ZNF578: variants seen among roughly 807,000 people sequenced by gnomAD.
The protein encoded by ZNF578 is zinc finger protein 578.
A neutral mutation model predicts 8.3 loss-of-function variants in ZNF578; 8 were observed. The observed-to-expected ratio is 0.96, with a 90% CI of 0.56 to 1.74. ZNF578 has a LOEUF of 1.74. Ranked by LOEUF, ZNF578 falls within the 40% of genes most tolerant of loss-of-function variation. The pLI is 0.00. For synonymous variants in ZNF578, 206 were observed against 232.2 expected (o/e 0.89, Z 1.03); for missense variants, 726 against 707.5 (o/e 1.03, Z -0.30).
chr19:52,479,868 T>C (rs749003746), intron 2 of ZNF578, among the ~76,000 whole-genome samples: 9 of 152,336 alleles, frequency 5.9e-5, no homozygotes, highest in Non-Finnish European at 1.0e-4. Context: ...TAATGAAATA[T>C]AATAGACAGA....
chr19:52,506,621 A>G (rs1755208498), intron 5 of ZNF578, among the ~76,000 whole-genome samples: 1 of 152,114 alleles, frequency 6.6e-6, no homozygotes, highest in Non-Finnish European at 1.5e-5. Flanking sequence ...GTTCACCACC[A>G]TGCCCGGCTA....
chr19:52,498,497 A>T (rs924228087), intron 3 of ZNF578, among the ~76,000 whole-genome samples: 14 of 151,672 alleles, frequency 9.2e-5, no homozygotes, highest in Non-Finnish European at 2.1e-4. Flanking sequence ...ACACCCAGAG[A>T]ATTTTTTGCA....
chr19:52,500,302 G>C (rs371197058), intron 3 of ZNF578, among the ~76,000 whole-genome samples: 2 of 152,154 alleles, frequency 1.3e-5, no homozygotes, highest in Non-Finnish European at 2.9e-5. Context: ...GGTTTGGTCT[G>C]GGAAGGTGGG....
In ZNF578 at chr19:52,511,153, C is replaced by CA; in HGVS notation, c.774dup (p.Tyr259IlefsTer2). 1 of 1,614,154 alleles carries CA rather than the reference C, an allele frequency of 6.2e-7. No homozygotes were observed. The highest frequency in any genetic ancestry group is 2.2e-5 in the East Asian group (1 of 44,884). On this transcript the variant is annotated frameshift_variant, in exon 6 of 6. Transcript: ENST00000421239. LOFTEE classifies it low-confidence loss of function (END_TRUNC). The stretch of plus-strand genomic sequence containing the variant: ...TCAGATAATCCATTTAGGAGAAAAA[C>CA]AATATAAATTTGATATATGTGGCAA...
intron 1 of ZNF578, chr19:52,456,173 C>G (rs1599878386): frequency 1.3e-5 from 2 of 152,434 alleles, no homozygotes; most frequent in Admixed American, 1.3e-4. Flanking sequence ...GTCACAACCT[C>G]ACCTGCTCTG....
At chr19:52,484,285 A>G (rs2122853864) in intron 2 of ZNF578, among the ~76,000 whole-genome samples, 1 of 152,336 alleles carries the variant, frequency 6.6e-6, no homozygotes, top group Admixed American at 6.5e-5. Context: ...ATTGGGCTTT[A>G]CACCCAGACA....
chr19:52,516,105 CTTCCTGTCTCAGGTCAT>C lies in ZNF578; in HGVS notation c.*3953_*3969del, dbSNP rs1363413975. 1.7e-4 allele frequency among the ~76,000 whole-genome samples: 25 copies of C among 143,088 alleles called. No individual in the cohort carries two copies. In the South Asian group the frequency reaches 1.9e-3, roughly 11 times the overall value. 93.9% of individuals were successfully genotyped at this position (143,088 alleles called of 152,430 possible). On this transcript the variant is annotated 3_prime_UTR_variant, in exon 6 of 6. Transcript: ENST00000421239. The stretch of plus-strand genomic sequence containing the variant: ...TTCTCTTTTCCCAAACATCAAAACC[CTTCCTGTCTCAGGTCAT>C]TGTCCCTGCTCTTACCCTATGTACC...
intron 1 of ZNF578, chr19:52,456,418 G>C (rs1406572015): frequency 6.6e-6 from 1 of 152,232 alleles, no homozygotes; most frequent in Non-Finnish European, 1.5e-5. Flanking sequence ...TTCAAGCGCA[G>C]TGTCCCACAT....
intron 2 of ZNF578, among the ~76,000 whole-genome samples, chr19:52,475,749 A>G (rs1467105767): frequency 6.6e-6 from 1 of 152,154 alleles, no homozygotes; most frequent in Non-Finnish European, 1.5e-5. Context: ...GAGGCTGTAC[A>G]CTTCTTTCAG....
chr19:52,482,075 C>A (rs552083359), intron 2 of ZNF578, among the ~76,000 whole-genome samples: 1 of 152,258 alleles, frequency 6.6e-6, no homozygotes, highest in East Asian at 1.9e-4. Context: ...CTCTTGTTGT[C>A]CAGGCTGGAG....
chr19:52,479,326 G>C (rs1599891896), intron 2 of ZNF578, among the ~76,000 whole-genome samples: 3 of 152,024 alleles, frequency 2.0e-5, no homozygotes, highest in Middle Eastern at 6.8e-3. Flanking sequence ...ATGAGGTCAG[G>C]AGATCAAGAC....
At chr19:52,508,622 C>T in intron 5 of ZNF578, among the ~76,000 whole-genome samples, 1 of 151,532 alleles carries the variant, frequency 6.6e-6, no homozygotes, top group Non-Finnish European at 1.5e-5. Context: ...ACAGGAGAAA[C>T]CCCATCTCTA....
intron 1 of ZNF578, chr19:52,456,139 G>T (rs866246478): frequency 1.3e-5 from 2 of 152,222 alleles, no homozygotes; most frequent in African/African-American, 4.8e-5. Context: ...CCTTCTCAGT[G>T]AAGGTTTATG....
At chr19:52,509,095 A>G (rs2059435537) in intron 5 of ZNF578, among the ~76,000 whole-genome samples, 1 of 151,652 alleles carries the variant, frequency 6.6e-6, no homozygotes, top group Admixed American at 6.6e-5. Flanking sequence ...GTAGAGATGC[A>G]GTTTCCCCAT....
At chr19:52,498,684 CTT>C (rs72019256) in intron 3 of ZNF578, among the ~76,000 whole-genome samples, 77 of 106,788 alleles carry the variant, frequency 7.2e-4, no homozygotes, top group Middle Eastern at 6.0e-3. Context: ...CGCCTGGCCG[CTT>C]TTTTTTTTTT....
intron 3 of ZNF578, among the ~76,000 whole-genome samples, chr19:52,498,684 C>CTGTTTTTTTT (rs2059395911): frequency 9.4e-6 from 1 of 106,852 alleles, no homozygotes; most frequent in Non-Finnish European, 1.8e-5. Context: ...CGCCTGGCCG[C>CTGTTTTTTTT]TTTTTTTTTT....
At chr19:52,473,681 A>C (rs1052968996) in intron 2 of ZNF578, 1 of 207,310 alleles carries the variant, frequency 4.8e-6, no homozygotes, top group Non-Finnish European at 9.6e-6. Flanking sequence ...TCTCTGATGA[A>C]TTGTTAAGGA....
chr19:52,505,162 C>T lies in ZNF578; in HGVS notation c.190+381C>T, dbSNP rs112805606. 7.3e-3 allele frequency among the ~76,000 whole-genome samples: 1,106 copies of T among 152,310 alleles called. 15 individuals are homozygous for T. The highest frequency in any genetic ancestry group is 0.025 in the African/African-American group (1,021 of 41,578). ...TTGGCCTCCCAAAGTGCTGGGATTA[C>T]AGGCGTGAGCCACCATGCCCAGCTC... On this transcript the variant is annotated intron_variant, in intron 5 of 5. Coordinates refer to ENST00000421239, the MANE Select transcript of ZNF578 (RefSeq NM_001099694.2).
chr19:52,471,246 AC>A (rs1277392452), intron 2 of ZNF578, among the ~76,000 whole-genome samples: 1 of 152,216 alleles, frequency 6.6e-6, no homozygotes, highest in Non-Finnish European at 1.5e-5. Context: ...ATGGACTAAT[AC>A]AAGGCTGTAA....
Sources: gnomAD v4.1 joint callset for allele counts (sites outside exome capture counted in the v4.1 genomes callset) on GRCh38, gnomAD v4.1.1 for gene constraint, MANE v1.5 for transcripts, NCBI Gene and HGNC (gene_info 2026-07-23, HGNC 2026-07-21) for gene names.